Variants in DOCK4 observed in about 807,000 individuals in gnomAD.
The protein encoded by DOCK4 is dedicator of cytokinesis protein 4.
Under a neutral mutation model 268.1 loss-of-function variants are expected in DOCK4, and 97 were observed. The observed-to-expected ratio is 0.36, with a 90% CI of 0.31 to 0.43. DOCK4 has a LOEUF of 0.43. Ranked by LOEUF, DOCK4 falls within the 20% of genes least tolerant of loss-of-function variation. DOCK4 has a pLI of 1.00. For synonymous variants in DOCK4, 954 were observed against 887.2 expected (o/e 1.08, Z -1.34); for missense variants, 2,145 against 2,455.7 (o/e 0.87, Z 2.67).
chr7:111,892,241 C>T (rs1257006579), intron 16 of DOCK4, among the ~76,000 whole-genome samples: 2 of 152,124 alleles, frequency 1.3e-5, no homozygotes, highest in African/African-American at 4.8e-5. Flanking sequence ...ACTCCTGTTG[C>T]CCAGGATGGA....
chr7:111,765,153 C>A lies in DOCK4; in HGVS notation c.3985G>T (p.Gly1329Ter). Residue 1329 changes from glycine to a stop codon, truncating the protein, a stop_gained, in exon 39 of 53, where the codon GGA becomes TGA. Transcript: ENST00000428084. LOFTEE classifies it high-confidence loss of function. ...QRLEPEFFRVGFYGKKFPFFL... is the reference protein window; with the variant it reads ...QRLEPEFFRV ...AATGGAAATTTTTTTCCATAAAATC[C>A]AACTCTGAAGAACTCTGGTTCAAGA... is the stretch of plus-strand genomic sequence containing the variant. 1 of 1,539,966 alleles carries A rather than the reference C, an allele frequency of 6.5e-7. No homozygotes were observed. The highest frequency in any genetic ancestry group is 1.3e-5 in the South Asian group (1 of 78,348).
Position 112,180,885 on chromosome 7 carries a change from T to C in DOCK4, c.37+25217A>G, listed in dbSNP as rs147566927. Among the ~76,000 whole-genome samples the C allele has an allele frequency of 5.9e-5, 9 of 152,312 alleles. No individual in the cohort carries two copies. In the East Asian group the frequency reaches 1.5e-3, roughly 26 times the overall value. The stretch of plus-strand genomic sequence containing the variant: ...CCCATGTTGGTGACACGGCAGTCAT[T>C]TTCCTGAAGTTGGTAAAAATGGCTC... On this transcript the variant is annotated intron_variant, in intron 1 of 52. Transcript: ENST00000428084.
intron 16 of DOCK4, among the ~76,000 whole-genome samples, chr7:111,894,845 C>G (rs915908439): frequency 6.6e-6 from 1 of 152,146 alleles, no homozygotes; most frequent in Admixed American, 6.5e-5. Flanking sequence ...AGTGACATGG[C>G]TGGATCTGCT....
intron 32 of DOCK4, chr7:111,784,590 C>G (rs1270381387): frequency 2.4e-6 from 1 of 409,648 alleles, no homozygotes; most frequent in African/African-American, 2.0e-5. Flanking sequence ...GTGGTTGTTA[C>G]AGCAGATTGA....
At chr7:111,895,273 C>A (rs550149231) in intron 16 of DOCK4, among the ~76,000 whole-genome samples, 3 of 152,154 alleles carry the variant, frequency 2.0e-5, no homozygotes, top group Non-Finnish European at 4.4e-5. Flanking sequence ...TGGGGATACA[C>A]AGACCTAGAT....
chr7:111,822,902 AG>A (rs1802102781), intron 26 of DOCK4, among the ~76,000 whole-genome samples: 1 of 152,228 alleles, frequency 6.6e-6, no homozygotes, highest in Non-Finnish European at 1.5e-5. Flanking sequence ...CTCATCAAAA[AG>A]CATCTCATAC....
At chr7:112,046,834 A>G (rs1804867151) in intron 1 of DOCK4, among the ~76,000 whole-genome samples, 1 of 152,190 alleles carries the variant, frequency 6.6e-6, no homozygotes, top group Non-Finnish European at 1.5e-5. Flanking sequence ...GGAGGAACCA[A>G]AATAGAGCCC....
intron 11 of DOCK4, among the ~76,000 whole-genome samples, chr7:111,939,551 G>A (rs1439999819): frequency 6.6e-6 from 1 of 151,576 alleles, no homozygotes; most frequent in Non-Finnish European, 1.5e-5. Context: ...TATGCCTAGT[G>A]TTCCATTATT....
At chr7:111,851,083 C>G (rs544178343) in intron 23 of DOCK4, among the ~76,000 whole-genome samples, 1 of 152,162 alleles carries the variant, frequency 6.6e-6, no homozygotes, top group Non-Finnish European at 1.5e-5. Context: ...CTATCCTTAC[C>G]TTACACCAAA....
intron 26 of DOCK4, among the ~76,000 whole-genome samples, chr7:111,828,267 C>G (rs1338775938): frequency 6.6e-6 from 1 of 152,172 alleles, no homozygotes; most frequent in Non-Finnish European, 1.5e-5. Flanking sequence ...TGTTCTGATA[C>G]TGTGACTCAT....
intron 10 of DOCK4, among the ~76,000 whole-genome samples, chr7:111,942,468 T>C (rs1562919315): frequency 6.6e-6 from 1 of 152,198 alleles, no homozygotes; most frequent in Non-Finnish European, 1.5e-5. Flanking sequence ...CTCTTATTCT[T>C]TGATTCTCCA....
intron 12 of DOCK4, among the ~76,000 whole-genome samples, chr7:111,933,138 ACATATATATACG>A (rs1428085377): frequency 7.4e-6 from 1 of 135,166 alleles, no homozygotes; most frequent in African/African-American, 3.0e-5. Context: ...ACGTATATAC[ACATATATATACG>A]TATATACACA....
intron 8 of DOCK4, among the ~76,000 whole-genome samples, chr7:111,976,213 TGTGTGTGTGC>T (rs1188988025): frequency 2.0e-5 from 2 of 102,444 alleles, no homozygotes; most frequent in African/African-American, 7.9e-5. Context: ...CATATGTGTG[TGTGTGTGTGC>T]GTGTGTGTGT....
chr7:112,089,746 C>T (rs1341904936), intron 1 of DOCK4, among the ~76,000 whole-genome samples: 1 of 152,104 alleles, frequency 6.6e-6, no homozygotes. Flanking sequence ...CTCGCTCTTC[C>T]TCCTGCTCCA....
chr7:112,013,596 T>G (rs1425715991), intron 1 of DOCK4, among the ~76,000 whole-genome samples: 1 of 152,226 alleles, frequency 6.6e-6, no homozygotes, highest in Non-Finnish European at 1.5e-5. Flanking sequence ...CCACTTGACA[T>G]GTGGGCCTCT....
At chr7:111,875,630 G>A (rs1806792444) in intron 17 of DOCK4, among the ~76,000 whole-genome samples, 1 of 152,244 alleles carries the variant, frequency 6.6e-6, no homozygotes, top group Non-Finnish European at 1.5e-5. Context: ...GATGGTCATA[G>A]TCAGAGAGAT....
chr7:112,169,260 T>C (rs1817871048), intron 1 of DOCK4, among the ~76,000 whole-genome samples: 5 of 152,200 alleles, frequency 3.3e-5, no homozygotes, highest in Non-Finnish European at 4.4e-5. Flanking sequence ...GCCTGTGGAA[T>C]TGTGAGTCCA....
At chr7:111,852,493 A>C (rs1308187844) in intron 23 of DOCK4, among the ~76,000 whole-genome samples, 1 of 150,028 alleles carries the variant, frequency 6.7e-6, no homozygotes, top group Non-Finnish European at 1.5e-5. Flanking sequence ...ATTACTTAAC[A>C]AAAAGAACCA....
chr7:111,990,691 C>T (rs1272043168), intron 5 of DOCK4, among the ~76,000 whole-genome samples: 2 of 152,162 alleles, frequency 1.3e-5, no homozygotes, highest in Non-Finnish European at 2.9e-5. Flanking sequence ...CTCTATTGAG[C>T]CCATTCTTCT....
Sources: gnomAD v4.1 joint callset for allele counts (sites outside exome capture counted in the v4.1 genomes callset) on GRCh38, gnomAD v4.1.1 for gene constraint, MANE v1.5 for transcripts, NCBI Gene and HGNC (gene_info 2026-07-23, HGNC 2026-07-21) for gene names.